Variants in GPR173 observed in about 807,000 individuals in gnomAD.
GPR173 encodes probable G protein-coupled receptor 173.
In GPR173, 2 loss-of-function variants were observed where a neutral mutation model predicts 13.9. The ratio of observed to expected loss-of-function variants is 0.14; its 90% CI spans 0.06 to 0.45. GPR173 has a LOEUF of 0.45. Among genes scored for constraint, GPR173 ranks in the 20% least tolerant of loss-of-function variants. The pLI is 0.98. For missense variants in GPR173, 202 were observed against 340.5 expected, an observed-to-expected ratio of 0.59 and a Z score of 3.20; for synonymous variants, 131 against 141.0, an observed-to-expected ratio of 0.93 and a Z score of 0.50.
At position 53,077,752 on chromosome X, in the gene GPR173, G is replaced by A. The variant is rs1556806087; in HGVS notation, c.*9G>A. On this transcript the variant is annotated 3_prime_UTR_variant, in exon 2 of 2. Coordinates refer to ENST00000332582, the MANE Select transcript of GPR173 (RefSeq NM_018969.6). ...CCTACTGTGTCATGTGAAGCAGGCTGGTAGGCAGACAGGCAGAGAGAAGGT... is the reference window on the plus strand; with the variant it reads ...CCTACTGTGTCATGTGAAGCAGGCTAGTAGGCAGACAGGCAGAGAGAAGGT... 1.2e-5 allele frequency: 14 copies of A among 1,193,668 alleles called. No homozygotes were observed. Among genetic ancestry groups the A allele is most frequent in the African/African-American group, 1.8e-5 (1 of 56,799 alleles).
At chrX:53,061,499 T>C (rs1365271654) in intron 1 of GPR173, among the ~76,000 whole-genome samples, 1 of 111,485 alleles carries the variant, frequency 9.0e-6, no homozygotes, top group African/African-American at 3.3e-5. Flanking sequence ...TGTGACTAGA[T>C]GTAAATGTGT....
chrX:53,064,717 G>A (rs1369132508), intron 1 of GPR173, among the ~76,000 whole-genome samples: 1 of 111,588 alleles, frequency 9.0e-6, no homozygotes, highest in Non-Finnish European at 1.9e-5. Flanking sequence ...GCATGTGCAC[G>A]TGACAAAGAG....
rs1353147341 is a variant in GPR173, at chrX:53,078,443, T to C, written c.*700T>C. On this transcript the variant is annotated 3_prime_UTR_variant, in exon 2 of 2. Coordinates refer to ENST00000332582, the MANE Select transcript of GPR173 (RefSeq NM_018969.6). ...CTCCCAAATGGTTCTTGTGCATCTG[T>C]TGGAGAAGTCAAGGGAGTAGGGAGA... The C allele has an allele frequency of 8.1e-6, 1 of 123,019 alleles. No homozygotes were observed. The highest frequency in any genetic ancestry group is 3.3e-5 in the African/African-American group (1 of 30,662). 10.1% of individuals were successfully genotyped at this position (123,019 alleles called of 1,213,427 possible).
rs1053157491 is a variant in GPR173, at chrX:53,073,594, C to T, written c.-97-2931C>T. Among the ~76,000 whole-genome samples, 34 of 107,163 alleles carry T rather than the reference C, an allele frequency of 3.2e-4. 1 individual carries two copies. In the Admixed American group the frequency reaches 3.4e-3, roughly 11 times the overall value. The allele number at this position is 107,163 out of a possible 115,157, so 93.1% of individuals were successfully genotyped here. A position where few individuals can be genotyped will look rare whatever the true frequency, so the allele number is the denominator to read the frequency against. On this transcript the variant is annotated intron_variant, in intron 1 of 1. Coordinates refer to ENST00000332582, the MANE Select transcript of GPR173 (RefSeq NM_018969.6). ...ACCCTCTCTGACCCACAGCCCCAGC[C>T]CATTTAATCCCTCAATCAATTCATT...
At chrX:53,060,538 C>T (rs1313892620) in intron 1 of GPR173, among the ~76,000 whole-genome samples, 3 of 104,854 alleles carry the variant, frequency 2.9e-5, no homozygotes, top group African/African-American at 1.1e-4. Context: ...CAAGGTCGCA[C>T]CATTGCAATC....
At chrX:53,065,193 T>C (rs1230175681) in intron 1 of GPR173, 5 of 112,236 alleles carry the variant, frequency 4.5e-5, no homozygotes, top group African/African-American at 1.6e-4. Flanking sequence ...AAACTTCTAT[T>C]GTGGCCTGCC....
intron 1 of GPR173, among the ~76,000 whole-genome samples, chrX:53,072,082 T>G (rs1229487951): frequency 9.4e-6 from 1 of 106,335 alleles, no homozygotes; most frequent in Non-Finnish European, 1.9e-5. Flanking sequence ...TCTCCTCACT[T>G]GTTTGTAAAA....
chrX:53,069,101 A>G (rs1932225011), intron 1 of GPR173, among the ~76,000 whole-genome samples: 2 of 106,201 alleles, frequency 1.9e-5, no homozygotes, highest in African/African-American at 6.9e-5. Context: ...CTGGGATTAC[A>G]GGCATGCACC....
At chrX:53,049,544 C>G (rs1931923812) in intron 1 of GPR173, 60 bp downstream of exon 1, 2 of 111,655 alleles carry the variant, frequency 1.8e-5, no homozygotes, top group African/African-American at 6.5e-5. Context: ...TCTGTCTCCC[C>G]ACACATACTT....
rs1193046927 is a variant in GPR173 at position 53,048,871 on chromosome X, C to A, written c.-711C>A. Among the ~76,000 whole-genome samples the A allele has an allele frequency of 9.0e-6, 1 of 111,282 alleles. No homozygotes were observed. The highest frequency in any genetic ancestry group is 3.3e-5 in the African/African-American group (1 of 30,617). On this transcript the variant is annotated 5_prime_UTR_variant, in exon 1 of 2. Coordinates refer to ENST00000332582, the MANE Select transcript of GPR173 (RefSeq NM_018969.6). Reference sequence around the variant, plus strand: ...CTGTGGACCTGCACCTCTTCCCCATCCCCGCCAGGCCCGGGGAGCGGGGTG... The same window carrying A: ...CTGTGGACCTGCACCTCTTCCCCATACCCGCCAGGCCCGGGGAGCGGGGTG...
intron 1 of GPR173, among the ~76,000 whole-genome samples, chrX:53,052,912 G>A (rs1284886062): frequency 9.0e-6 from 1 of 111,191 alleles, no homozygotes; most frequent in Non-Finnish European, 1.9e-5. Context: ...TTGTATGGAT[G>A]TACAGTTGTG....
At chrX:53,052,096 C>T in intron 1 of GPR173, among the ~76,000 whole-genome samples, 1 of 111,133 alleles carries the variant, frequency 9.0e-6, no homozygotes, top group Non-Finnish European at 1.9e-5. Flanking sequence ...TGTCCACATC[C>T]GATTAGAGAA....
intron 1 of GPR173, among the ~76,000 whole-genome samples, chrX:53,069,666 TTGTG>T (rs1932232696): frequency 8.9e-6 from 1 of 112,522 alleles, no homozygotes; most frequent in Non-Finnish European, 1.9e-5. Flanking sequence ...GTACTTGTCT[TTGTG>T]TGTGTCTGTA....
rs1932458401 is a variant in GPR173, at chrX:53,077,684, G to A, written c.1063G>A (p.Ala355Thr). The change falls in exon 2 of 2, where the codon GCC (alanine) becomes ACC (threonine). Residue 355 changes from alanine (A) to threonine (T), a missense_variant. Around this residue, in one of 3 missense-constraint regions of GPR173, gnomAD observed 76 missense variants for 116.3 expected, o/e 0.65. Coordinates refer to ENST00000332582, the MANE Select transcript of GPR173 (RefSeq NM_018969.6). ...CCTCAAGAAGTGCCTGAGGACTCAC[G>A]CCCCCTGCTGGGGCACAGGAGGTGC... ...KDLKKCLRTH[A>T]PCWGTGGAPA... 1.7e-6 allele frequency: 2 copies of A among 1,206,073 alleles called. No individual in the cohort carries two copies. Among genetic ancestry groups the A allele is most frequent in the Admixed American group, 2.2e-5 (1 of 45,819 alleles).
chrX:53,080,405 CCTTTT>C lies in GPR173; in HGVS notation c.*2663_*2667del, dbSNP rs1197984682. On this transcript the variant is annotated 3_prime_UTR_variant, in exon 2 of 2. Coordinates refer to ENST00000332582, the MANE Select transcript of GPR173 (RefSeq NM_018969.6). ...ATATCATCATTGGTCCATGTGAGGCCCTTTTATTTTTTTTTCTTCAGTTTTGTCCC... is the reference window on the plus strand; with the variant it reads ...ATATCATCATTGGTCCATGTGAGGCCATTTTTTTTTCTTCAGTTTTGTCCC... 8.2e-6 allele frequency: 1 copy of C among 121,453 alleles called. No homozygotes were observed. The highest frequency in any genetic ancestry group is 1.9e-5 in the Non-Finnish European group (1 of 52,829). The allele number at this position is 121,453 out of a possible 1,213,427, so 10.0% of individuals were successfully genotyped here. A position where few individuals can be genotyped will look rare whatever the true frequency, so the allele number is the denominator to read the frequency against.
intron 1 of GPR173, among the ~76,000 whole-genome samples, chrX:53,074,380 A>C (rs1260435200): frequency 3.2e-5 from 2 of 62,277 alleles, no homozygotes; most frequent in Non-Finnish European, 5.1e-5. Flanking sequence ...ATAAATAAAT[A>C]TATAAATATA....
chrX:53,052,521 CTG>C (rs782789169), intron 1 of GPR173, among the ~76,000 whole-genome samples: 2 of 109,707 alleles, frequency 1.8e-5, no homozygotes, highest in East Asian at 5.8e-4. Context: ...GAACATCTGG[CTG>C]TGTGTGTTTC....
chrX:53,078,000 C>G lies in GPR173; in HGVS notation c.*257C>G. On this transcript the variant is annotated 3_prime_UTR_variant, in exon 2 of 2. Coordinates refer to ENST00000332582, the MANE Select transcript of GPR173 (RefSeq NM_018969.6). Reference sequence around the variant, plus strand: ...CCTTCTCCACTTCTACAATCTCATTCTCTCTCTCTCTCTCTCTGTCTCTCT... The same window carrying G: ...CCTTCTCCACTTCTACAATCTCATTGTCTCTCTCTCTCTCTCTGTCTCTCT... 4.4e-5 allele frequency: 8 copies of G among 181,450 alleles called. No individual in the cohort carries two copies. Among genetic ancestry groups the G allele is most frequent in the Non-Finnish European group, 7.0e-5 (7 of 100,321 alleles). 15.0% of individuals were successfully genotyped at this position (181,450 alleles called of 1,213,427 possible). A position where few individuals can be genotyped will look rare whatever the true frequency, so the allele number is the denominator to read the frequency against.
At chrX:53,068,497 G>A (rs963109565) in intron 1 of GPR173, among the ~76,000 whole-genome samples, 5 of 109,769 alleles carry the variant, frequency 4.6e-5, no homozygotes, top group Admixed American at 2.0e-4. Context: ...AAAAATAGGC[G>A]GGGTGCAATA....
Sources: allele counts gnomAD v4.1 joint callset (sites outside exome capture counted in the v4.1 genomes callset), GRCh38; gene constraint gnomAD v4.1.1; regional missense constraint gnomAD v4.1.1; transcripts MANE v1.5; gene names NCBI Gene and HGNC (gene_info 2026-07-23, HGNC 2026-07-21).